Variants in SCFD2 observed in about 807,000 individuals in gnomAD.
SCFD2 encodes the protein sec1 family domain containing 2, also known as sec1 family domain-containing protein 2.
A neutral mutation model predicts 58.9 loss-of-function variants in SCFD2; 54 were observed. The ratio of observed to expected loss-of-function variants is 0.92; its 90% CI spans 0.74 to 1.15. The LOEUF (loss-of-function observed/expected upper bound fraction) is 1.15, where lower values mean the gene tolerates loss of function less well. Among genes scored for constraint, SCFD2 ranks in the 50% most tolerant of loss-of-function variants. SCFD2 has a pLI of 0.00. For synonymous variants in SCFD2, 321 were observed against 335.9 expected, an observed-to-expected ratio of 0.96 and a Z score of 0.49; for missense variants, 805 against 836.6, an observed-to-expected ratio of 0.96 and a Z score of 0.47.
intron 5 of SCFD2, among the ~76,000 whole-genome samples, chr4:52,926,788 G>C (rs976128470): frequency 5.9e-5 from 9 of 152,138 alleles, no homozygotes; most frequent in African/African-American, 2.2e-4. Context: ...GTTAGAGAAA[G>C]GGTTGGCTTG....
intron 5 of SCFD2, among the ~76,000 whole-genome samples, chr4:53,114,039 T>C (rs1465944320): frequency 1.3e-5 from 2 of 152,140 alleles, no homozygotes; most frequent in Non-Finnish European, 2.9e-5. Context: ...ATTTGAATCC[T>C]GGCTCCACCA....
intron 1 of SCFD2, among the ~76,000 whole-genome samples, chr4:53,357,776 A>T (rs1382344368): frequency 6.6e-6 from 1 of 152,224 alleles, no homozygotes; most frequent in Non-Finnish European, 1.5e-5. Flanking sequence ...GCAGCACTGG[A>T]GTCCAAATGT....
At chr4:53,012,579 T>A (rs1227211428) in intron 5 of SCFD2, among the ~76,000 whole-genome samples, 1 of 152,158 alleles carries the variant, frequency 6.6e-6, no homozygotes, top group East Asian at 1.9e-4. Flanking sequence ...TATTCTTTTC[T>A]CTCTTTATTT....
intron 2 of SCFD2, among the ~76,000 whole-genome samples, chr4:53,336,100 T>C (rs568464387): frequency 1.3e-5 from 2 of 152,290 alleles, no homozygotes; most frequent in Non-Finnish European, 2.9e-5. Context: ...GACTCTTACA[T>C]TGTACTCCTC....
chr4:53,167,119 C>A lies in SCFD2; in HGVS notation c.1312-21537G>T, dbSNP rs191574841. Among the ~76,000 whole-genome samples the A allele has an allele frequency of 3.3e-5, 5 of 152,304 alleles. No individual in the cohort carries two copies. In the East Asian group the frequency reaches 9.6e-4, roughly 29 times the overall value. ...CTCATCTCCCCCTTTCTTTACCGGA[C>A]AATTCCTACTTACTCTTTAATACCC... is the stretch of plus-strand genomic sequence containing the variant. On this transcript the variant is annotated intron_variant, in intron 4 of 8. Coordinates refer to ENST00000401642, the MANE Select transcript of SCFD2 (RefSeq NM_152540.4).
intron 5 of SCFD2, among the ~76,000 whole-genome samples, chr4:53,063,649 T>C (rs1214079211): frequency 6.6e-6 from 1 of 152,102 alleles, no homozygotes; most frequent in Non-Finnish European, 1.5e-5. Flanking sequence ...TCTAGGACAA[T>C]AGTGCTTACC....
chr4:53,247,597 C>A (rs6820250), intron 4 of SCFD2, among the ~76,000 whole-genome samples: 71,732 of 151,574 alleles, frequency 0.47, 18,178 homozygotes, highest in Admixed American at 0.56. Context: ...CGGTGGCTCA[C>A]GCCTGTAATC....
intron 4 of SCFD2, among the ~76,000 whole-genome samples, chr4:53,209,709 T>C (rs1439926114): frequency 6.6e-6 from 1 of 151,902 alleles, no homozygotes; most frequent in African/African-American, 2.4e-5. Flanking sequence ...AGAAGTGACA[T>C]ACCAGTGTTC....
intron 4 of SCFD2, among the ~76,000 whole-genome samples, chr4:53,156,958 G>C (rs12512359): frequency 0.079 from 11,983 of 152,186 alleles, 675 homozygotes; most frequent in East Asian, 0.23. Flanking sequence ...TTAAAACTTG[G>C]CTATTTGGCA....
intron 7 of SCFD2, among the ~76,000 whole-genome samples, chr4:52,890,402 A>G (rs1035270045): frequency 5.3e-5 from 8 of 152,164 alleles, no homozygotes; most frequent in African/African-American, 1.9e-4. Context: ...GGTGTTTGCT[A>G]TTTTGGTTTC....
chr4:53,047,858 T>G (rs1219109940), intron 5 of SCFD2, among the ~76,000 whole-genome samples: 1 of 152,166 alleles, frequency 6.6e-6, no homozygotes, highest in Non-Finnish European at 1.5e-5. Flanking sequence ...GGACTTGAAC[T>G]GATAATATTT....
chr4:52,922,584 T>C (rs886994864), intron 5 of SCFD2, among the ~76,000 whole-genome samples: 1 of 152,258 alleles, frequency 6.6e-6, no homozygotes, highest in African/African-American at 2.4e-5. Flanking sequence ...AATGTGGAAA[T>C]AGTATATTTT....
intron 2 of SCFD2, among the ~76,000 whole-genome samples, chr4:53,348,407 G>A (rs1401700415): frequency 4.6e-5 from 7 of 152,096 alleles, no homozygotes; most frequent in East Asian, 3.9e-4. Flanking sequence ...AGGTTTGGTC[G>A]AAGGTAGTAG....
At chr4:53,018,178 C>T (rs1315315698) in intron 5 of SCFD2, among the ~76,000 whole-genome samples, 1 of 152,170 alleles carries the variant, frequency 6.6e-6, no homozygotes, top group African/African-American at 2.4e-5. Context: ...GGGCCTGACA[C>T]TCATATTTAT....
At chr4:53,130,387 C>T (rs1725753398) in intron 5 of SCFD2, among the ~76,000 whole-genome samples, 1 of 152,150 alleles carries the variant, frequency 6.6e-6, no homozygotes, top group Non-Finnish European at 1.5e-5. Flanking sequence ...AGACAAGATA[C>T]CTCTATTTTT....
chr4:53,084,623 C>A (rs1372962722), intron 5 of SCFD2, among the ~76,000 whole-genome samples: 2 of 152,286 alleles, frequency 1.3e-5, no homozygotes, highest in East Asian at 3.9e-4. Context: ...GAAATCTTCA[C>A]AATTTATGTT....
At chr4:53,221,731 A>G (rs1429315132) in intron 4 of SCFD2, among the ~76,000 whole-genome samples, 3 of 152,248 alleles carry the variant, frequency 2.0e-5, no homozygotes, top group Non-Finnish European at 4.4e-5. Context: ...AATGTCATTG[A>G]CAGGAGACAA....
intron 5 of SCFD2, among the ~76,000 whole-genome samples, chr4:53,038,537 C>A (rs1490567158): frequency 6.6e-6 from 1 of 152,108 alleles, no homozygotes; most frequent in Non-Finnish European, 1.5e-5. Context: ...AACAGACTTG[C>A]ATGGAGAGTT....
chr4:53,214,742 AATGGTATTGC>A (rs1369972273), intron 4 of SCFD2, among the ~76,000 whole-genome samples: 3 of 152,056 alleles, frequency 2.0e-5, no homozygotes. Context: ...CTATGCCTTG[AATGGTATTGC>A]CTAGGTTTTC....
Sources: allele counts gnomAD v4.1 joint callset (sites outside exome capture counted in the v4.1 genomes callset), GRCh38; gene constraint gnomAD v4.1.1; transcripts MANE v1.5; gene names NCBI Gene and HGNC (gene_info 2026-07-23, HGNC 2026-07-21).